NTRK2: variants seen among roughly 807,000 people sequenced by gnomAD.
NTRK2 encodes the protein BDNF/NT-3 growth factors receptor.
In NTRK2, 13 loss-of-function variants were observed where a neutral mutation model predicts 94.5. The observed-to-expected ratio is 0.14, with a 90% confidence interval of 0.09 to 0.22. The LOEUF (loss-of-function observed/expected upper bound fraction) is 0.22. Ranked by LOEUF, NTRK2 falls within the 10% of genes least tolerant of loss-of-function variation. The pLI, the probability that NTRK2 is intolerant of heterozygous loss-of-function variation, is 1.00. For missense variants in NTRK2, 639 were observed against 1,071.2 expected, an observed-to-expected ratio of 0.60 and a Z score of 5.63; for synonymous variants, 372 against 407.4, an observed-to-expected ratio of 0.91 and a Z score of 1.05.
intron 17 of NTRK2, among the ~76,000 whole-genome samples, chr9:84,971,572 G>A (rs1826188086): frequency 6.6e-6 from 1 of 152,232 alleles, no homozygotes; most frequent in African/African-American, 2.4e-5. Flanking sequence ...ATGGCAGATG[G>A]CCAGTGTGCT....
intron 14 of NTRK2, among the ~76,000 whole-genome samples, chr9:84,882,546 C>A (rs892962291): frequency 6.6e-6 from 1 of 152,108 alleles, no homozygotes; most frequent in Non-Finnish European, 1.5e-5. Flanking sequence ...CTCAAATATG[C>A]AAGAAAGCTG....
chr9:84,892,994 C>T (rs2076641239), intron 14 of NTRK2, among the ~76,000 whole-genome samples: 1 of 152,082 alleles, frequency 6.6e-6, no homozygotes, highest in East Asian at 1.9e-4. Context: ...TCCCTCCCTT[C>T]CTTTTTTCCT....
At chr9:84,810,125 T>C (rs1282420756) in intron 12 of NTRK2, among the ~76,000 whole-genome samples, 4 of 152,198 alleles carry the variant, frequency 2.6e-5, no homozygotes, top group Non-Finnish European at 4.4e-5. Context: ...AAAGTAATCA[T>C]GGTTTTTGCC....
At position 84,763,556 on chromosome 9, in the gene NTRK2, T is replaced by A. The variant is rs11140753; in HGVS notation, c.1396+11471T>A. On this transcript the variant is annotated intron_variant, in intron 12 of 18. Transcript: ENST00000277120. ...AATATTCATACACTCAACACCTAGATTCAACTTCTGCTTAACATCTTGTTA... is the reference window on the plus strand; with the variant it reads ...AATATTCATACACTCAACACCTAGAATCAACTTCTGCTTAACATCTTGTTA... Among the ~76,000 whole-genome samples the A allele has an allele frequency of 8.9e-3, 1,356 of 152,234 alleles. 22 individuals are homozygous for A. Among genetic ancestry groups the A allele is most frequent in the East Asian group, 0.054 (282 of 5,190 alleles).
chr9:84,903,974 C>T (rs1297883301), intron 14 of NTRK2, among the ~76,000 whole-genome samples: 1 of 152,206 alleles, frequency 6.6e-6, no homozygotes, highest in East Asian at 1.9e-4. Context: ...AAAAAGCTCA[C>T]AGATGCTACA....
chr9:84,713,221 T>C lies in NTRK2; in HGVS notation c.583+2430T>C, dbSNP rs572951419. Among the ~76,000 whole-genome samples, 21 of 152,316 alleles carry C rather than the reference T, an allele frequency of 1.4e-4. No homozygotes were observed. The South Asian group carries it at 1.9e-3, about 14-fold the overall frequency. On this transcript the variant is annotated intron_variant, in intron 6 of 18. Coordinates refer to ENST00000277120, the MANE Select transcript of NTRK2 (RefSeq NM_006180.6). ...CAGTAAATTTCCTGTTTATATCCTT[T>C]GTCTATTTTTCTGTAGGGTTTTTCT...
chr9:84,874,302 C>T, intron 14 of NTRK2: 1 of 1,065,406 alleles, frequency 9.4e-7, no homozygotes, highest in Non-Finnish European at 1.1e-6. Flanking sequence ...AGAGATGGCA[C>T]CACCGGAGTT....
At chr9:84,926,147 TTCCTTCCTTCCTTCCTTCCTTC>T (rs2077774039) in intron 14 of NTRK2, among the ~76,000 whole-genome samples, 4 of 87,908 alleles carry the variant, frequency 4.6e-5, no homozygotes, top group Middle Eastern at 5.2e-3. Flanking sequence ...CCTTCCTTCC[TTCCTTCCTTCCTTCCTTCCTTC>T]CTTTCTTTCT....
At chr9:85,011,544 C>T (rs952372932) in intron 17 of NTRK2, among the ~76,000 whole-genome samples, 8 of 152,166 alleles carry the variant, frequency 5.3e-5, no homozygotes, top group African/African-American at 1.7e-4. Context: ...AGCTCTCTCT[C>T]GCTCTCGCTC....
At chr9:84,749,396 C>T (rs906676055) in intron 11 of NTRK2, among the ~76,000 whole-genome samples, 4 of 152,158 alleles carry the variant, frequency 2.6e-5, no homozygotes, top group African/African-American at 9.7e-5. Flanking sequence ...CTCTTCTCAT[C>T]TGACATGAAA....
At chr9:84,807,301 C>T (rs1406539399) in intron 12 of NTRK2, among the ~76,000 whole-genome samples, 1 of 152,190 alleles carries the variant, frequency 6.6e-6, no homozygotes, top group African/African-American at 2.4e-5. Context: ...CCTTCAACTC[C>T]CTTCCCTTCC....
Position 84,685,365 on chromosome 9 carries a change from C to CTT in NTRK2, c.212+14417_212+14418dup, listed in dbSNP as rs35011896. Among the ~76,000 whole-genome samples the CTT allele has an allele frequency of 5.5e-3, 791 of 143,508 alleles. 8 individuals are homozygous for CTT. Among genetic ancestry groups the CTT allele is most frequent in the African/African-American group, 0.019 (752 of 39,284 alleles). The allele number at this position is 143,508 out of a possible 152,430, so 94.1% of individuals were successfully genotyped here. On this transcript the variant is annotated intron_variant, in intron 2 of 18. Transcript: ENST00000277120. ...TAAATTTTATCTCCCACAGCTTCTT[C>CTT]TTTTTTTTTTTTTCTACTTGAAGTA...
intron 14 of NTRK2, among the ~76,000 whole-genome samples, chr9:84,870,086 A>T (rs1359264017): frequency 1.1e-4 from 14 of 130,344 alleles, no homozygotes; most frequent in African/African-American, 3.8e-4. Context: ...CAATTAGATA[A>T]TTCCCATTGA....
At chr9:84,973,966 G>C (rs749051883) in intron 17 of NTRK2, among the ~76,000 whole-genome samples, 1 of 133,798 alleles carries the variant, frequency 7.5e-6, no homozygotes, top group Non-Finnish European at 1.6e-5. Context: ...TTTCTTTGTC[G>C]ACTGTTTATG....
At chr9:84,883,625 A>G (rs1441191405) in intron 14 of NTRK2, among the ~76,000 whole-genome samples, 3 of 152,230 alleles carry the variant, frequency 2.0e-5, no homozygotes, top group Non-Finnish European at 2.9e-5. Context: ...TACACCTGAC[A>G]TGGGTCACCA....
intron 9 of NTRK2, among the ~76,000 whole-genome samples, chr9:84,737,504 T>TTG (rs2132239360): frequency 6.6e-6 from 1 of 152,316 alleles, no homozygotes; most frequent in South Asian, 2.1e-4. Flanking sequence ...AGGAAAGTGA[T>TTG]TCCATCTTTG....
intron 4 of NTRK2, among the ~76,000 whole-genome samples, chr9:84,706,060 G>A (rs2061038037): frequency 6.6e-6 from 1 of 152,084 alleles, no homozygotes; most frequent in African/African-American, 2.4e-5. Flanking sequence ...AAAGTGCTGG[G>A]ATTACAGGTG....
At position 84,670,608 on chromosome 9, in the gene NTRK2, T is replaced by A; in HGVS notation, c.-141T>A. 1 of 832,480 alleles carries A rather than the reference T, an allele frequency of 1.2e-6. No individual in the cohort carries two copies. Among genetic ancestry groups the A allele is most frequent in the Non-Finnish European group, 2.0e-6 (1 of 499,556 alleles). 51.6% of individuals were successfully genotyped at this position (832,480 alleles called of 1,614,324 possible). A position where few individuals can be genotyped will look rare whatever the true frequency, so the allele number is the denominator to read the frequency against. On this transcript the variant is annotated 5_prime_UTR_variant, in exon 2 of 19. Coordinates refer to ENST00000277120, the MANE Select transcript of NTRK2 (RefSeq NM_006180.6). ...CGCTCCGGACCAGCTCAGCCTCTGA[T>A]AAGCTGGACTCGGCACGCCCGCAAC... is the stretch of plus-strand genomic sequence containing the variant.
chr9:84,680,576 G>A (rs1342322753), intron 2 of NTRK2, among the ~76,000 whole-genome samples: 1 of 152,074 alleles, frequency 6.6e-6, no homozygotes, highest in Non-Finnish European at 1.5e-5. Context: ...TGTATTTTCT[G>A]TTTCTTTCTA....
Sources: gnomAD v4.1 joint callset for allele counts (sites outside exome capture counted in the v4.1 genomes callset) on GRCh38, gnomAD v4.1.1 for gene constraint, MANE v1.5 for transcripts, NCBI Gene and HGNC (gene_info 2026-07-23, HGNC 2026-07-21) for gene names.